Variants in CPSF2 observed in about 807,000 individuals in gnomAD.
CPSF2 encodes cleavage and polyadenylation specificity factor subunit 2.
In CPSF2, 51 loss-of-function variants were observed where a neutral mutation model predicts 84.2. The ratio of observed to expected loss-of-function variants is 0.61; its 90% CI spans 0.48 to 0.77. The LOEUF (loss-of-function observed/expected upper bound fraction) is 0.77, where lower values mean the gene tolerates loss of function less well. Ranked by LOEUF, CPSF2 falls within the 30% of genes least tolerant of loss-of-function variation. The probability of loss-of-function intolerance (pLI) is 0.00; values close to 1 mark genes in which losing one functional copy is unlikely to be tolerated. For synonymous variants in CPSF2, 286 were observed against 311.9 expected (o/e 0.92, Z 0.87); for missense variants, 641 against 929.4 (o/e 0.69, Z 4.03).
intron 9 of CPSF2, among the ~76,000 whole-genome samples, chr14:92,146,024 C>T (rs1020640673): frequency 1.3e-5 from 2 of 152,144 alleles, no homozygotes; most frequent in Admixed American, 1.3e-4. Flanking sequence ...ACAGCACTTC[C>T]CACATATTCA....
At position 92,154,522 on chromosome 14, in the gene CPSF2, T is replaced by C; in HGVS notation, c.1241+64T>C. Reference sequence around the variant, plus strand: ...AATTTGAGAAGAATGTGTCCTTGACTTAAATGTTTCATTGAAAATATTTTT... The same window carrying C: ...AATTTGAGAAGAATGTGTCCTTGACCTAAATGTTTCATTGAAAATATTTTT... On this transcript the variant is annotated intron_variant, in intron 10 of 15. Transcript: ENST00000298875. The C allele has an allele frequency of 4.5e-6, 5 of 1,122,644 alleles. No individual in the cohort carries two copies. The South Asian group carries it at 6.7e-5, about 15-fold the overall frequency. 69.5% of individuals were successfully genotyped at this position (1,122,644 alleles called of 1,614,324 possible). A position where few individuals can be genotyped will look rare whatever the true frequency, so the allele number is the denominator to read the frequency against.
In CPSF2 at chr14:92,165,589, C is replaced by T. The variant is rs2069433452; in HGVS notation, c.*3845C>T. ...TATATATTTTGGAGTAATATCTGTTCATATCCTTTGTCCATTTTCAATTTG... is the reference window on the plus strand; with the variant it reads ...TATATATTTTGGAGTAATATCTGTTTATATCCTTTGTCCATTTTCAATTTG... On this transcript the variant is annotated 3_prime_UTR_variant, in exon 16 of 16. Coordinates refer to ENST00000298875, the MANE Select transcript of CPSF2 (RefSeq NM_017437.3). The T allele has an allele frequency of 6.6e-6, 1 of 151,982 alleles. No individual in the cohort carries two copies. Among genetic ancestry groups the T allele is most frequent in the Non-Finnish European group, 1.5e-5 (1 of 68,006 alleles). 9.4% of individuals were successfully genotyped at this position (151,982 alleles called of 1,614,324 possible).
At position 92,162,687 on chromosome 14, in the gene CPSF2, A is replaced by G. The variant is rs1388350448; in HGVS notation, c.*943A>G. On this transcript the variant is annotated 3_prime_UTR_variant, in exon 16 of 16. Coordinates refer to ENST00000298875, the MANE Select transcript of CPSF2 (RefSeq NM_017437.3). The stretch of plus-strand genomic sequence containing the variant: ...TTATACACATTACTACTAAAATAAT[A>G]CTGAAGTTGGATAAGGTTATCCTTT... 1 of 152,180 alleles carries G rather than the reference A, an allele frequency of 6.6e-6. No individual in the cohort carries two copies. The highest frequency in any genetic ancestry group is 1.5e-5 in the Non-Finnish European group (1 of 68,020). 9.4% of individuals were successfully genotyped at this position (152,180 alleles called of 1,614,324 possible).
In CPSF2 at chr14:92,123,483, C is replaced by T. The variant is rs150526351; in HGVS notation, c.-94+1355C>T. ...GTGCCATCTCAGCTCACTGCAACTT[C>T]CGCCTCCTGGGCTCAAGTAATCCTC... On this transcript the variant is annotated intron_variant, in intron 1 of 15. Transcript: ENST00000298875. Among the ~76,000 whole-genome samples, 383 of 152,268 alleles carry T rather than the reference C, an allele frequency of 2.5e-3. 3 individuals carry two copies. The highest frequency in any genetic ancestry group is 8.7e-3 in the African/African-American group (361 of 41,556).
In CPSF2 at chr14:92,165,446, C is replaced by G. The variant is rs2069431596; in HGVS notation, c.*3702C>G. The G allele has an allele frequency of 6.6e-6, 1 of 152,132 alleles. No individual in the cohort carries two copies. The highest frequency in any genetic ancestry group is 1.5e-5 in the Non-Finnish European group (1 of 68,020). The allele number at this position is 152,132 out of a possible 1,614,324, so 9.4% of individuals were successfully genotyped here. ...CTCATTCTTGACAACATTTATTACT[C>G]CCTTTTTAAATTTTAGTCATCATAG... On this transcript the variant is annotated 3_prime_UTR_variant, in exon 16 of 16. Transcript: ENST00000298875.
At position 92,163,384 on chromosome 14, in the gene CPSF2, C is replaced by T. The variant is rs970976992; in HGVS notation, c.*1640C>T. 1 of 152,416 alleles carries T rather than the reference C, an allele frequency of 6.6e-6. No individual in the cohort carries two copies. Among genetic ancestry groups the T allele is most frequent in the African/African-American group, 2.4e-5 (1 of 41,366 alleles). 9.4% of individuals were successfully genotyped at this position (152,416 alleles called of 1,614,324 possible). ...TGGAAAACCAGATAAAACAATGTTA[C>T]AAAAGGCAAATATAAAGAGTATGTT... On this transcript the variant is annotated 3_prime_UTR_variant, in exon 16 of 16. Transcript: ENST00000298875.
chr14:92,124,381 G>A (rs765297678), intron 1 of CPSF2, among the ~76,000 whole-genome samples: 2 of 152,158 alleles, frequency 1.3e-5, no homozygotes, highest in Non-Finnish European at 2.9e-5. Context: ...GGCAATGAGG[G>A]CCTCCATGGA....
At chr14:92,122,446 C>G (rs1355266046) in intron 1 of CPSF2, 1 of 157,192 alleles carries the variant, frequency 6.4e-6, no homozygotes, top group Non-Finnish European at 1.4e-5. Flanking sequence ...CCGACGCCAG[C>G]TTTAGCTCCT....
intron 2 of CPSF2, among the ~76,000 whole-genome samples, chr14:92,130,104 GCATTT>G (rs2068896461): frequency 6.6e-6 from 1 of 152,122 alleles, no homozygotes; most frequent in Non-Finnish European, 1.5e-5. Context: ...ATCCCAATTT[GCATTT>G]CATCAGATAT....
intron 7 of CPSF2, among the ~76,000 whole-genome samples, chr14:92,141,685 G>A (rs2141465064): frequency 6.6e-6 from 1 of 152,148 alleles, no homozygotes; most frequent in Non-Finnish European, 1.5e-5. Context: ...GGGAGTCCCG[G>A]GGCCAGTACC....
intron 9 of CPSF2, among the ~76,000 whole-genome samples, chr14:92,144,015 G>C (rs1173196702): frequency 6.6e-6 from 1 of 152,084 alleles, no homozygotes; most frequent in Non-Finnish European, 1.5e-5. Context: ...CTTTCTTTCA[G>C]TGTTTCATGT....
chr14:92,135,626 G>T, intron 6 of CPSF2, 130 bp downstream of exon 6: 1 of 819,680 alleles, frequency 1.2e-6, no homozygotes. Context: ...GTCAAATAGG[G>T]AGTGTTTTCA....
At chr14:92,135,258 G>A in intron 5 of CPSF2, 109 bp from the exon 6 acceptor site, 3 of 970,958 alleles carry the variant, frequency 3.1e-6, no homozygotes, top group East Asian at 3.0e-5. Context: ...TTTGAAATTT[G>A]TATTATTGCA....
intron 2 of CPSF2, among the ~76,000 whole-genome samples, chr14:92,130,317 T>G (rs935035809): frequency 9.9e-5 from 15 of 152,012 alleles, no homozygotes; most frequent in Non-Finnish European, 1.5e-4. Context: ...GGTCCATAGG[T>G]TTTTATCAGA....
intron 7 of CPSF2, among the ~76,000 whole-genome samples, chr14:92,139,531 C>T (rs1247686875): frequency 6.7e-6 from 1 of 149,222 alleles, no homozygotes; most frequent in African/African-American, 2.5e-5. Context: ...CTTGCTTCAT[C>T]TTACATTCTT....
rs980648790 is a variant in CPSF2 at position 92,157,306 on chromosome 14, G to C, written c.1596-353G>C. On this transcript the variant is annotated intron_variant, in intron 12 of 15. Coordinates refer to ENST00000298875, the MANE Select transcript of CPSF2 (RefSeq NM_017437.3). The surrounding 1 kb of genome is among the most constrained non-coding windows in gnomAD (Gnocchi z 4.0). ...GCTGATCACTCGAGATCAGGAGTTT[G>C]AGACCAGCCTGGCCAACATGGTGAA... Among the ~76,000 whole-genome samples the C allele has an allele frequency of 6.6e-6, 1 of 152,104 alleles. No homozygotes were observed. The highest frequency in any genetic ancestry group is 1.5e-5 in the Non-Finnish European group (1 of 68,020).
At chr14:92,148,534 G>A (rs531750101) in intron 9 of CPSF2, among the ~76,000 whole-genome samples, 20 of 151,250 alleles carry the variant, frequency 1.3e-4, no homozygotes, top group East Asian at 1.9e-4. Context: ...GTCCAGGTTC[G>A]CATCCATGAC....
chr14:92,142,978 T>A (rs1432280778), intron 8 of CPSF2, 26 bp from the exon 9 acceptor site: 1 of 1,553,386 alleles, frequency 6.4e-7, no homozygotes, highest in Admixed American at 1.8e-5. Context: ...TATTTCTAAT[T>A]CTTGTCATCT....
Position 92,167,896 on chromosome 14 carries a change from T to G in CPSF2, c.*6152T>G, listed in dbSNP as rs947454198. ...TGATTGAGAGGTTAATTGCAGGTTT[T>G]TTTTTTTTTTTTTTCTGGTAACCAT... On this transcript the variant is annotated 3_prime_UTR_variant, in exon 16 of 16. Coordinates refer to ENST00000298875, the MANE Select transcript of CPSF2 (RefSeq NM_017437.3). 5 of 150,704 alleles carry G rather than the reference T, an allele frequency of 3.3e-5. No homozygotes were observed. Among genetic ancestry groups the G allele is most frequent in the Admixed American group, 1.3e-4 (2 of 15,108 alleles). The allele number at this position is 150,704 out of a possible 1,614,324, so 9.3% of individuals were successfully genotyped here.
Sources: allele counts gnomAD v4.1 joint callset (sites outside exome capture counted in the v4.1 genomes callset), GRCh38; gene constraint gnomAD v4.1.1; non-coding constraint Gnocchi (gnomAD v3.1); transcripts MANE v1.5; gene names NCBI Gene and HGNC (gene_info 2026-07-23, HGNC 2026-07-21).